ARID2: variants seen among roughly 807,000 people sequenced by gnomAD.
ARID2 encodes the protein AT-rich interaction domain 2.
In ARID2, 32 loss-of-function variants were observed where a neutral mutation model predicts 184.6. That is an observed-to-expected ratio of 0.17 (90% CI 0.13 to 0.23). The LOEUF is 0.23. Ranked by LOEUF, ARID2 falls within the 10% of genes least tolerant of loss-of-function variation. The pLI is 1.00. For missense variants in ARID2, 1,696 were observed against 2,197.6 expected, an observed-to-expected ratio of 0.77 and a Z score of 4.56; for synonymous variants, 836 against 772.6, an observed-to-expected ratio of 1.08 and a Z score of -1.36.
chr12:45,861,316 A>G (rs1943742921), intron 16 of ARID2, among the ~76,000 whole-genome samples: 1 of 152,170 alleles, frequency 6.6e-6, no homozygotes, highest in South Asian at 2.1e-4. Flanking sequence ...CATATAGTAG[A>G]AACTTAGAAG....
intron 3 of ARID2, among the ~76,000 whole-genome samples, chr12:45,774,502 C>CAAAA (rs1941938685): frequency 6.6e-6 from 1 of 152,032 alleles, no homozygotes. Context: ...GCATCTTTTT[C>CAAAA]CCCTTTATGT....
At chr12:45,889,281 CAT>C (rs1274566513) in intron 16 of ARID2, among the ~76,000 whole-genome samples, 5 of 152,134 alleles carry the variant, frequency 3.3e-5, no homozygotes, top group East Asian at 1.9e-4. Context: ...TTTAAAAACA[CAT>C]ACATACTCAG....
At chr12:45,732,971 T>G (rs1211273793) in intron 3 of ARID2, among the ~76,000 whole-genome samples, 1 of 152,180 alleles carries the variant, frequency 6.6e-6, no homozygotes, top group Non-Finnish European at 1.5e-5. Context: ...ATATCATTAA[T>G]TATAGGTACT....
At chr12:45,846,019 A>G (rs1197816236) in intron 11 of ARID2, 1 of 152,174 alleles carries the variant, frequency 6.6e-6, no homozygotes, top group African/African-American at 2.4e-5. Flanking sequence ...GGAGAAGAAA[A>G]GGTAACATAC....
At chr12:45,811,194 G>A (rs992135079) in intron 3 of ARID2, among the ~76,000 whole-genome samples, 1 of 149,890 alleles carries the variant, frequency 6.7e-6, no homozygotes, top group African/African-American at 2.5e-5. Flanking sequence ...GGGCGACAGA[G>A]CGAGACTCTG....
intron 15 of ARID2, among the ~76,000 whole-genome samples, chr12:45,853,962 G>A (rs909562401): frequency 2.0e-5 from 3 of 152,150 alleles, no homozygotes; most frequent in Non-Finnish European, 2.9e-5. Flanking sequence ...GGAGGTGAGC[G>A]GCAGGTGAGC....
chr12:45,750,073 T>C (rs1941431848), intron 3 of ARID2, among the ~76,000 whole-genome samples: 1 of 152,232 alleles, frequency 6.6e-6, no homozygotes, highest in Admixed American at 6.5e-5. Flanking sequence ...TTTTGGCATA[T>C]CTTGGCTTTT....
intron 3 of ARID2, among the ~76,000 whole-genome samples, chr12:45,733,646 A>G (rs1941047706): frequency 2.0e-5 from 3 of 152,182 alleles, no homozygotes; most frequent in Admixed American, 2.0e-4. Context: ...GTTTGCTATT[A>G]ATTGGATGGA....
intron 16 of ARID2, among the ~76,000 whole-genome samples, chr12:45,867,572 C>T (rs1349843143): frequency 6.6e-6 from 1 of 151,444 alleles, no homozygotes; most frequent in Non-Finnish European, 1.5e-5. Flanking sequence ...GAAACCCCGT[C>T]TCTACTAAAA....
chr12:45,853,928 C>CT (rs1943600534), intron 15 of ARID2, among the ~76,000 whole-genome samples: 4 of 152,194 alleles, frequency 2.6e-5, no homozygotes. Flanking sequence ...GTCCGTGGCC[C>CT]TTTAGGAACT....
chr12:45,881,838 T>C, intron 16 of ARID2: 1 of 227,044 alleles, frequency 4.4e-6, no homozygotes, highest in Non-Finnish European at 8.7e-6. Context: ...CCTCTTGTGT[T>C]TTTTGAACTT....
At chr12:45,766,476 T>A (rs1423275365) in intron 3 of ARID2, among the ~76,000 whole-genome samples, 2 of 151,798 alleles carry the variant, frequency 1.3e-5, no homozygotes, top group African/African-American at 4.8e-5. Context: ...CCAAGTGGAT[T>A]ATATTCTTGA....
intron 6 of ARID2, among the ~76,000 whole-genome samples, chr12:45,835,687 G>GTC (rs1943207403): frequency 2.6e-5 from 4 of 152,206 alleles, no homozygotes; most frequent in Admixed American, 2.6e-4. Flanking sequence ...GGATCACAAG[G>GTC]TCAAGAGATT....
rs375149291 is a variant in ARID2, at chr12:45,904,949, T to C, written c.5379T>C (p.His1793=). 75 of 1,613,788 alleles carry C rather than the reference T, an allele frequency of 4.6e-5. No homozygotes were observed. In the African/African-American group the frequency reaches 6.3e-4, roughly 13 times the overall value. Residue 1793 remains histidine, a synonymous_variant, in exon 21 of 21, where the codon CAT becomes CAC. Coordinates refer to ENST00000334344, the MANE Select transcript of ARID2 (RefSeq NM_152641.4). ...SECGRRLLKR[H]ENNLSVLAIS... The stretch of plus-strand genomic sequence containing the variant: ...TTTTTTGCAGATTGTTAAAGAGACA[T>C]GAAAATAACTTATCAGTGCTAGCCA...
At chr12:45,868,717 A>G (rs1943869508) in intron 16 of ARID2, among the ~76,000 whole-genome samples, 1 of 152,178 alleles carries the variant, frequency 6.6e-6, no homozygotes, top group Non-Finnish European at 1.5e-5. Context: ...ATTGGCAATC[A>G]TCTTTCCCTC....
At chr12:45,824,525 T>G (rs112417014) in intron 6 of ARID2, among the ~76,000 whole-genome samples, 3 of 151,944 alleles carry the variant, frequency 2.0e-5, no homozygotes, top group Non-Finnish European at 4.4e-5. Context: ...TATGAAAAAT[T>G]GCTCAACATC....
At chr12:45,801,450 A>T (rs564680798) in intron 3 of ARID2, among the ~76,000 whole-genome samples, 1 of 152,314 alleles carries the variant, frequency 6.6e-6, no homozygotes, top group Admixed American at 6.5e-5. Context: ...TTTTCTGTAA[A>T]TTAGTAATTT....
chr12:45,905,858 A>G lies in ARID2; in HGVS notation c.*780A>G, dbSNP rs1662660893. 4.3e-6 allele frequency: 1 copy of G among 232,344 alleles called. No individual in the cohort carries two copies. The highest frequency in any genetic ancestry group is 8.5e-6 in the Non-Finnish European group (1 of 117,562). The allele number at this position is 232,344 out of a possible 1,614,324, so 14.4% of individuals were successfully genotyped here. ...TATGCAGTGGATGAATGTTCTTTAA[A>G]TTTGTGTAAATACTTCTGCAAAGGT... On this transcript the variant is annotated 3_prime_UTR_variant, in exon 21 of 21. Transcript: ENST00000334344.
chr12:45,785,111 CTTCT>C (rs1404821558), intron 3 of ARID2, among the ~76,000 whole-genome samples: 1 of 152,216 alleles, frequency 6.6e-6, no homozygotes, highest in Non-Finnish European at 1.5e-5. Context: ...AGAAGCCTCT[CTTCT>C]TATTTTCTTA....
Sources: allele counts gnomAD v4.1 joint callset (sites outside exome capture counted in the v4.1 genomes callset), GRCh38; gene constraint gnomAD v4.1.1; transcripts MANE v1.5; gene names NCBI Gene and HGNC (gene_info 2026-07-23, HGNC 2026-07-21).